OTOG: variants seen among roughly 807,000 people sequenced by gnomAD.
The protein encoded by OTOG is otogelin.
OTOG carries 296 observed loss-of-function variants against 313.8 expected under a neutral mutation model. The observed-to-expected ratio is 0.94, with a 90% CI of 0.86 to 1.04. OTOG has a LOEUF of 1.04. Ranked by LOEUF, OTOG falls within the 50% of genes least tolerant of loss-of-function variation. OTOG has a pLI of 0.00. For missense variants in OTOG, 3,948 were observed against 3,840.1 expected (o/e 1.03, Z -0.74); for synonymous variants, 1,533 against 1,554.9 (o/e 0.99, Z 0.33).
At chr11:17,608,274 G>T (rs1371050770) in intron 33 of OTOG, 22 bp from the exon 34 acceptor site, 1 of 1,481,190 alleles carries the variant, frequency 6.8e-7, no homozygotes, top group Admixed American at 2.2e-5. Flanking sequence ...ACCCAGAGTT[G>T]CTGCCCCATC....
chr11:17,593,340 G>A lies in OTOG; in HGVS notation c.3141+13G>A. 6.5e-7 allele frequency: 1 copy of A among 1,550,324 alleles called. No individual in the cohort carries two copies. Among genetic ancestry groups the A allele is most frequent in the Non-Finnish European group, 8.7e-7 (1 of 1,146,818 alleles). ...CTCCGGAAATCCTGTAAGGCTCAGT[G>A]CCTGTGAAGGTTGTGTAGACAATTT... On this transcript the variant is annotated intron_variant, in intron 26 of 55. Coordinates refer to ENST00000399397, the MANE Select transcript of OTOG (RefSeq NM_001292063.2).
In OTOG at chr11:17,593,608, A is replaced by G; in HGVS notation, c.3142-2A>G. 1 of 1,548,816 alleles carries G rather than the reference A, an allele frequency of 6.5e-7. No individual in the cohort carries two copies. Among genetic ancestry groups the G allele is most frequent in the East Asian group, 2.4e-5 (1 of 40,912 alleles). On this transcript the variant is annotated splice_acceptor_variant, in intron 26 of 55. Transcript: ENST00000399397. LOFTEE classifies it high-confidence loss of function. ...CAGGACTGACCATCTCTGTCCCTCTAGAGTCCAGAGAGCTTCCTGGATGAC... is the reference window on the plus strand; with the variant it reads ...CAGGACTGACCATCTCTGTCCCTCTGGAGTCCAGAGAGCTTCCTGGATGAC...
intron 23 of OTOG, among the ~76,000 whole-genome samples, chr11:17,580,494 C>T (rs1169287063): frequency 6.6e-6 from 1 of 152,222 alleles, no homozygotes; most frequent in African/African-American, 2.4e-5. Context: ...AAATTGAAGG[C>T]ACCTTGAGGA....
intron 39 of OTOG, among the ~76,000 whole-genome samples, chr11:17,617,035 T>C (rs1208785523): frequency 1.3e-5 from 2 of 152,226 alleles, no homozygotes; most frequent in African/African-American, 4.8e-5. Context: ...CTTTTATTCC[T>C]AGTTTTCTGA....
At chr11:17,620,869 T>C (rs994570521) in intron 39 of OTOG, among the ~76,000 whole-genome samples, 5 of 152,222 alleles carry the variant, frequency 3.3e-5, no homozygotes, top group Non-Finnish European at 5.9e-5. Context: ...AATCTTTTCA[T>C]TTATAGTGTC....
In OTOG at chr11:17,576,544, A is replaced by G; in HGVS notation, c.2487-12A>G. 2.6e-6 allele frequency: 4 copies of G among 1,548,720 alleles called. No individual in the cohort carries two copies. Among genetic ancestry groups the G allele is most frequent in the Middle Eastern group, 1.7e-4 (1 of 5,990 alleles). ...AGCCTGCTCACCTTTCTTTGCTCCC[A>G]TTTTTTTATAGGAACCAGTGCTCCT... On this transcript the variant is annotated splice_polypyrimidine_tract_variant and intron_variant, in intron 20 of 55. Coordinates refer to ENST00000399397, the MANE Select transcript of OTOG (RefSeq NM_001292063.2).
intron 6 of OTOG, 147 bp from the exon 7 acceptor site, chr11:17,555,632 G>A (rs892018061): frequency 1.6e-6 from 1 of 632,958 alleles, no homozygotes; most frequent in Non-Finnish European, 2.8e-6. Flanking sequence ...CCTCTGTGAT[G>A]TATGGGGACT....
At chr11:17,615,860 G>A (rs936408358) in intron 39 of OTOG, among the ~76,000 whole-genome samples, 8 of 152,090 alleles carry the variant, frequency 5.3e-5, no homozygotes, top group South Asian at 2.1e-4. Context: ...CCTGGGAGGC[G>A]GAGGTTGCGG....
chr11:17,616,591 A>G (rs1193576019), intron 39 of OTOG, among the ~76,000 whole-genome samples: 1 of 152,114 alleles, frequency 6.6e-6, no homozygotes, highest in African/African-American at 2.4e-5. Context: ...GATCCTATAC[A>G]TATTTGATAG....
chr11:17,551,845 G>A (rs776063059), intron 3 of OTOG, among the ~76,000 whole-genome samples, 155 bp from the exon 4 acceptor site: 7 of 152,152 alleles, frequency 4.6e-5, no homozygotes, highest in Non-Finnish European at 1.0e-4. Context: ...TGCCTCTCGA[G>A]GGGGCCAGGC....
At chr11:17,592,085 G>T (rs1459516358) in intron 25 of OTOG, among the ~76,000 whole-genome samples, 3 of 152,234 alleles carry the variant, frequency 2.0e-5, no homozygotes, top group South Asian at 2.1e-4. Flanking sequence ...GAGAGTTGGT[G>T]TGCTTAAAGG....
chr11:17,609,348 C>A, intron 35 of OTOG, 139 bp downstream of exon 35: 1 of 770,898 alleles, frequency 1.3e-6, no homozygotes, highest in Non-Finnish European at 2.1e-6. Flanking sequence ...GGCACAGGCA[C>A]AGGGGATGCA....
At chr11:17,614,079 C>T (rs1162779307) in intron 39 of OTOG, among the ~76,000 whole-genome samples, 4 of 152,150 alleles carry the variant, frequency 2.6e-5, no homozygotes, top group African/African-American at 4.8e-5. Flanking sequence ...AGTGAGGAGC[C>T]GTGAATTTAA....
chr11:17,642,221 C>T lies in OTOG; in HGVS notation c.8390C>T (p.Pro2797Leu), dbSNP rs1388390033. 41 of 1,549,968 alleles carry T rather than the reference C, an allele frequency of 2.6e-5. No homozygotes were observed. The highest frequency in any genetic ancestry group is 2.0e-5 in the Admixed American group (1 of 50,954). The change falls in exon 53 of 56, where the codon CCG (proline) becomes CTG (leucine). Residue 2797 changes from proline to leucine, a missense_variant. Physicochemically the swap from Pro to Leu is moderately conservative, Grantham distance 98. Coordinates refer to ENST00000399397, the MANE Select transcript of OTOG (RefSeq NM_001292063.2). Reference sequence around the variant, plus strand: ...GTCCGCTCTCCCATAAGCTGCCCACCGCTCAATGAGACTGAGTGTGCCAAG... The same window carrying T: ...GTCCGCTCTCCCATAAGCTGCCCACTGCTCAATGAGACTGAGTGTGCCAAG... The part of the protein sequence containing the change: ...VLVRSPISCP[P>L]LNETECAKVG...
chr11:17,580,182 G>A (rs1332942903), intron 23 of OTOG, among the ~76,000 whole-genome samples: 2 of 152,190 alleles, frequency 1.3e-5, no homozygotes, highest in Non-Finnish European at 2.9e-5. Flanking sequence ...GGCTGTCTGT[G>A]TGCCTCCATA....
chr11:17,569,003 G>A (rs910154276), intron 15 of OTOG, among the ~76,000 whole-genome samples, 153 bp from the exon 16 acceptor site: 4 of 152,204 alleles, frequency 2.6e-5, no homozygotes, highest in Admixed American at 2.6e-4. Context: ...AGGGTATTTG[G>A]TTGGATGATC....
At chr11:17,549,203 T>C (rs972184175) in intron 3 of OTOG, among the ~76,000 whole-genome samples, 13 of 152,188 alleles carry the variant, frequency 8.5e-5, no homozygotes, top group African/African-American at 3.1e-4. Context: ...AGATGAGCTA[T>C]AAGTTCCACC....
At chr11:17,631,389 T>TGTGGG (rs1428928180) in intron 40 of OTOG, among the ~76,000 whole-genome samples, 1 of 116,116 alleles carries the variant, frequency 8.6e-6, no homozygotes, top group African/African-American at 3.2e-5. Context: ...TGTGTGTGTG[T>TGTGGG]GGGGGGGGGT....
chr11:17,617,970 T>C (rs1318951034), intron 39 of OTOG, among the ~76,000 whole-genome samples: 4 of 152,092 alleles, frequency 2.6e-5, no homozygotes, highest in African/African-American at 9.7e-5. Flanking sequence ...TGGAGTGTAG[T>C]GGTGTGATTT....
Sources: allele counts gnomAD v4.1 joint callset (sites outside exome capture counted in the v4.1 genomes callset), GRCh38; gene constraint gnomAD v4.1.1; transcripts MANE v1.5; gene names NCBI Gene and HGNC (gene_info 2026-07-23, HGNC 2026-07-21).